The following SLC67A1 variants were observed in gnomAD, a reference collection of about 807,000 sequenced individuals.
The protein encoded by SLC67A1 is solute carrier family 67 member 1, also known as solute carrier family 67 member A1.
chr11:2,912,420 G>A, the SLC67A1 span, among the ~76,000 whole-genome samples: 6 of 152,344 alleles, frequency 3.9e-5, no homozygotes, highest in South Asian at 4.1e-4. Context: ...GGCCTGGTGC[G>A]GGGCAGGAGT....
At chr11:2,923,575 C>T in the SLC67A1 span, among the ~76,000 whole-genome samples, 2 of 152,222 alleles carry the variant, frequency 1.3e-5, no homozygotes, top group African/African-American at 4.8e-5. This position sits in a 1 kb window ranked among gnomAD's most constrained non-coding sequence, Gnocchi z 6.5. Context: ...CTCAGGGCTG[C>T]CTGGGAACCT....
the SLC67A1 span, chr11:2,908,206 T>TC: frequency 1.4e-5 from 20 of 1,388,318 alleles, no homozygotes; most frequent in Middle Eastern, 5.8e-4. Flanking sequence ...TCCCAGCCCC[T>TC]CCCCCGGGCT....
chr11:2,911,112 G>A, the SLC67A1 span, among the ~76,000 whole-genome samples: 1 of 152,182 alleles, frequency 6.6e-6, no homozygotes, highest in Admixed American at 6.5e-5. Flanking sequence ...ATCTGCAGCA[G>A]GGAGGCCACC....
At chr11:2,907,800 G>A in the SLC67A1 span, among the ~76,000 whole-genome samples, 1 of 152,190 alleles carries the variant, frequency 6.6e-6, no homozygotes, top group African/African-American at 2.4e-5. The surrounding 1 kb of genome is among the most constrained non-coding windows in gnomAD (Gnocchi z 6.7). Context: ...GAAGGGCTGG[G>A]GCCTCACAGA....
chr11:2,918,032 C>G, the SLC67A1 span: 2 of 1,613,638 alleles, frequency 1.2e-6, no homozygotes, highest in Non-Finnish European at 8.5e-7. Context: ...CATCGCCTCC[C>G]TGCTGCGGCT....
chr11:2,900,805 A>T, the SLC67A1 span, among the ~76,000 whole-genome samples: 1 of 151,932 alleles, frequency 6.6e-6, no homozygotes, highest in Non-Finnish European at 1.5e-5. Flanking sequence ...AGGGACCTGC[A>T]CTAATGCTCC....
the SLC67A1 span, chr11:2,919,242 G>C: frequency 6.8e-6 from 8 of 1,176,010 alleles, no homozygotes; most frequent in African/African-American, 1.2e-4. Context: ...GCTGAGGCGG[G>C]AGGGAGGTGG....
chr11:2,900,642 G>A, the SLC67A1 span, among the ~76,000 whole-genome samples: 17 of 135,532 alleles, frequency 1.3e-4, 1 homozygote, highest in Admixed American at 1.3e-3. Flanking sequence ...GCAGCGAGCC[G>A]AGATCGCGCC....
the SLC67A1 span, among the ~76,000 whole-genome samples, chr11:2,913,268 G>T: frequency 6.6e-6 from 1 of 152,144 alleles, no homozygotes; most frequent in African/African-American, 2.4e-5. Flanking sequence ...GGTTCTTTCT[G>T]TTCTTCCCAC....
the SLC67A1 span, chr11:2,916,771 T>C: frequency 1.3e-6 from 2 of 1,587,300 alleles, no homozygotes; most frequent in Non-Finnish European, 1.7e-6. Context: ...CCTGCCCAGA[T>C]GCTGGGGCAA....
chr11:2,913,062 G>A, the SLC67A1 span, among the ~76,000 whole-genome samples: 1 of 152,178 alleles, frequency 6.6e-6, no homozygotes, highest in Non-Finnish European at 1.5e-5. Flanking sequence ...AGCGGAGGCT[G>A]AGGAGTGCAG....
chr11:2,916,828 G>T, the SLC67A1 span: 1 of 1,108,216 alleles, frequency 9.0e-7, no homozygotes, highest in African/African-American at 1.5e-5. Flanking sequence ...GGGGTACGGG[G>T]GGCCTGAGGG....
chr11:2,915,140 C>T, the SLC67A1 span: 1 of 985,362 alleles, frequency 1.0e-6, no homozygotes, highest in Non-Finnish European at 1.2e-6. Flanking sequence ...TTAGGGGTCC[C>T]ACCTCAGAAA....
At chr11:2,922,296 T>C in the SLC67A1 span, 8 of 1,502,624 alleles carry the variant, frequency 5.3e-6, no homozygotes, top group Admixed American at 1.4e-4. Context: ...CCTTGGGGAC[T>C]CCTCCAGCCC....
At chr11:2,911,747 G>T in the SLC67A1 span, among the ~76,000 whole-genome samples, 1 of 152,184 alleles carries the variant, frequency 6.6e-6, no homozygotes, top group Non-Finnish European at 1.5e-5. Context: ...TGGCCATGGT[G>T]CTGGAGCAGC....
the SLC67A1 span, chr11:2,908,419 A>G: frequency 1.0e-6 from 1 of 954,878 alleles, no homozygotes; most frequent in Non-Finnish European, 1.6e-6. Flanking sequence ...AGGTTCCCTG[A>G]CCCCACACCG....
At chr11:2,903,566 C>T in the SLC67A1 span, 144 of 1,532,126 alleles carry the variant, frequency 9.4e-5, no homozygotes, top group African/African-American at 1.8e-3. Flanking sequence ...TCTGGGCCGT[C>T]GCAGAGAGTG....
At chr11:2,918,180 TG>T in the SLC67A1 span, 1 of 1,029,554 alleles carries the variant, frequency 9.7e-7, no homozygotes, top group Non-Finnish European at 1.5e-6. Flanking sequence ...CTCTGGCCTG[TG>T]CCCCACAGGT....
At chr11:2,921,753 AGCAGCCTGCGGCC>A in the SLC67A1 span, 1 of 94,024 alleles carries the variant, frequency 1.1e-5, no homozygotes, top group Non-Finnish European at 2.1e-5. Flanking sequence ...CATCCCCGGG[AGCAGCCTGCGGCC>A]GAGCCTGTCC....
Sources: gnomAD v4.1 joint callset for allele counts (sites outside exome capture counted in the v4.1 genomes callset) on GRCh38, gnomAD v4.1.1 for gene constraint, Gnocchi (gnomAD v3.1) non-coding constraint, MANE v1.5 for transcripts, NCBI Gene and HGNC (gene_info 2026-07-23, HGNC 2026-07-21) for gene names.